The following DAB1 variants were observed in gnomAD, a reference collection of about 807,000 sequenced individuals.
DAB1 encodes DAB adaptor protein 1, also known as disabled homolog 1.
A neutral mutation model predicts 64.6 loss-of-function variants in DAB1; 15 were observed. The observed-to-expected ratio is 0.23, with a 90% CI of 0.16 to 0.36. DAB1 has a LOEUF of 0.36. DAB1 is among the 10% of genes least tolerant of loss of function. The probability of loss-of-function intolerance (pLI) is 1.00; values close to 1 mark genes in which losing one functional copy is unlikely to be tolerated. For synonymous variants in DAB1, 235 were observed against 251.9 expected (o/e 0.93, Z 0.64); for missense variants, 596 against 706.7 (o/e 0.84, Z 1.78).
intron 7 of DAB1, among the ~76,000 whole-genome samples, chr1:57,595,158 C>A (rs1216751093): frequency 6.6e-6 from 1 of 151,914 alleles, no homozygotes; most frequent in African/African-American, 2.4e-5. Flanking sequence ...TTAAAAAAAT[C>A]TGTTTCTACC....
intron 4 of DAB1, among the ~76,000 whole-genome samples, chr1:57,110,826 G>T (rs564691): frequency 4.6e-5 from 7 of 151,898 alleles, no homozygotes; most frequent in Non-Finnish European, 1.0e-4. Context: ...ATGCCCACTC[G>T]CAGATGACAA....
At chr1:58,406,518 C>T (rs540536643) in intron 3 of DAB1, among the ~76,000 whole-genome samples, 10 of 152,242 alleles carry the variant, frequency 6.6e-5, no homozygotes, top group South Asian at 4.2e-4. Context: ...TTAATGATCA[C>T]GAGAGGAACT....
At chr1:57,191,441 C>T (rs907227490) in intron 2 of DAB1, among the ~76,000 whole-genome samples, 3 of 152,152 alleles carry the variant, frequency 2.0e-5, no homozygotes, top group Non-Finnish European at 4.4e-5. Context: ...ACCAGCCTTC[C>T]CTTTACCACT....
chr1:58,450,550 C>A (rs566701203), intron 3 of DAB1, among the ~76,000 whole-genome samples: 4 of 152,080 alleles, frequency 2.6e-5, no homozygotes, highest in African/African-American at 9.7e-5. Flanking sequence ...GTCAGGTGAT[C>A]GAGACCATCC....
rs149745699 is a variant in DAB1 at position 57,064,016 on chromosome 1, T to C, written c.664-1073A>G. On this transcript the variant is annotated intron_variant, in intron 8 of 14. Transcript: ENST00000371236. Reference sequence around the variant, plus strand: ...ATTGGGAGCTCCTCAAGAGCAGGCATAGTGCCTAACACCCAGTAGGCTCTC... The same window carrying C: ...ATTGGGAGCTCCTCAAGAGCAGGCACAGTGCCTAACACCCAGTAGGCTCTC... Among the ~76,000 whole-genome samples the C allele has an allele frequency of 2.3e-3, 343 of 152,338 alleles. 1 individual carries two copies. The highest frequency in any genetic ancestry group is 7.7e-3 in the African/African-American group (321 of 41,574).
intron 7 of DAB1, among the ~76,000 whole-genome samples, chr1:57,619,901 AG>A (rs1263730241): frequency 3.3e-5 from 5 of 152,142 alleles, no homozygotes; most frequent in Non-Finnish European, 7.3e-5. Flanking sequence ...AGGGCTGAGC[AG>A]GCATGAATAC....
chr1:58,300,652 GGAAGGA>G (rs1557726383), intron 4 of DAB1, among the ~76,000 whole-genome samples: 60 of 84,676 alleles, frequency 7.1e-4, no homozygotes, highest in African/African-American at 2.9e-3. Context: ...GAGAGAGGAA[GGAAGGA>G]AGGAAGGAAG....
At chr1:58,508,104 C>T (rs1055989104) in intron 2 of DAB1, among the ~76,000 whole-genome samples, 6 of 151,944 alleles carry the variant, frequency 3.9e-5, no homozygotes, top group African/African-American at 1.5e-4. Context: ...ATTTGATATG[C>T]AGAAATAGAA....
intron 7 of DAB1, among the ~76,000 whole-genome samples, chr1:57,586,685 G>A (rs1031402377): frequency 6.6e-6 from 1 of 151,792 alleles, no homozygotes; most frequent in African/African-American, 2.4e-5. Context: ...GTTTGAAACT[G>A]AATCATTCTT....
At chr1:57,864,392 A>T (rs1313201385) in intron 1 of DAB1, 1 of 152,216 alleles carries the variant, frequency 6.6e-6, no homozygotes, top group Non-Finnish European at 1.5e-5. Context: ...ACTCCATAAG[A>T]TAAGAGCTAG....
At chr1:58,471,134 A>C (rs1443201560) in intron 3 of DAB1, among the ~76,000 whole-genome samples, 1 of 152,234 alleles carries the variant, frequency 6.6e-6, no homozygotes, top group African/African-American at 2.4e-5. Flanking sequence ...CTTCACAAAA[A>C]GTTTTGAGGC....
intron 4 of DAB1, among the ~76,000 whole-genome samples, chr1:57,132,482 A>G (rs540491706): frequency 6.6e-6 from 1 of 152,242 alleles, no homozygotes; most frequent in East Asian, 1.9e-4. Context: ...CAAGTTGAGT[A>G]TCCCAAATCA....
intron 5 of DAB1, among the ~76,000 whole-genome samples, chr1:57,956,465 T>C (rs930909350): frequency 6.6e-6 from 1 of 152,194 alleles, no homozygotes; most frequent in Non-Finnish European, 1.5e-5. Context: ...CTGATCTCAC[T>C]CTTATTTCTT....
At chr1:58,544,203 A>T (rs1646666146) in intron 1 of DAB1, among the ~76,000 whole-genome samples, 1 of 152,218 alleles carries the variant, frequency 6.6e-6, no homozygotes, top group African/African-American at 2.4e-5. Context: ...AACTTAAAAA[A>T]TTTTAACGAC....
intron 9 of DAB1, among the ~76,000 whole-genome samples, chr1:57,058,074 T>C (rs1054962038): frequency 6.6e-6 from 1 of 152,148 alleles, no homozygotes; most frequent in Admixed American, 6.5e-5. Flanking sequence ...AAAATAACCC[T>C]GCCAAGGAAG....
intron 1 of DAB1, among the ~76,000 whole-genome samples, chr1:57,311,703 A>T (rs896743137): frequency 6.6e-6 from 1 of 152,200 alleles, no homozygotes. Context: ...GGAATGTCCC[A>T]CACCCTTTAT....
intron 5 of DAB1, among the ~76,000 whole-genome samples, chr1:58,036,779 C>T (rs1316084297): frequency 2.0e-5 from 3 of 152,080 alleles, no homozygotes; most frequent in South Asian, 4.2e-4. Flanking sequence ...ACTTGGAAGA[C>T]CCTGTAGGGA....
At chr1:57,116,185 C>T (rs2405637) in intron 4 of DAB1, among the ~76,000 whole-genome samples, 1,934 of 150,842 alleles carry the variant, frequency 0.013, 39 homozygotes, top group African/African-American at 0.044. Context: ...GGTTGGGAGG[C>T]CTGGCGTGGT....
intron 4 of DAB1, among the ~76,000 whole-genome samples, chr1:57,129,585 G>T (rs1657466962): frequency 6.6e-6 from 1 of 152,110 alleles, no homozygotes; most frequent in African/African-American, 2.4e-5. Flanking sequence ...CTTCCTGTTT[G>T]TGAGCATCAG....
Sources: allele counts gnomAD v4.1 joint callset (sites outside exome capture counted in the v4.1 genomes callset), GRCh38; gene constraint gnomAD v4.1.1; transcripts MANE v1.5; gene names NCBI Gene and HGNC (gene_info 2026-07-23, HGNC 2026-07-21).